NOP2: variants seen among roughly 807,000 people sequenced by gnomAD.
NOP2 encodes the protein 28S rRNA (cytosine(4447)-C(5))-methyltransferase.
Under a neutral mutation model 72.7 loss-of-function variants are expected in NOP2, and 7 were observed. The ratio of observed to expected loss-of-function variants is 0.10; its 90% CI spans 0.05 to 0.18. The LOEUF is 0.18. NOP2 is among the 10% of genes least tolerant of loss of function. The pLI is 1.00. For synonymous variants in NOP2, 387 were observed against 388.0 expected (o/e 1.00, Z 0.03); for missense variants, 954 against 1,014.7 (o/e 0.94, Z 0.81).
rs1335065578 is a variant in NOP2, at chr12:6,568,264, G to C, written c.-62C>G. ...CGGGCGGCCCTCCACGTGCAATCCG[G>C]ACCTAGCTTTCGGCCGGCACTCGCC... On this transcript the variant is annotated 5_prime_UTR_variant, in exon 1 of 16. Coordinates refer to ENST00000322166, the MANE Select transcript of NOP2 (RefSeq NM_001258308.2). 1.4e-5 allele frequency: 3 copies of C among 217,674 alleles called. No individual in the cohort carries two copies. The highest frequency in any genetic ancestry group is 4.6e-5 in the African/African-American group (2 of 43,200). The allele number at this position is 217,674 out of a possible 1,614,324, so 13.5% of individuals were successfully genotyped here. A position where few individuals can be genotyped will look rare whatever the true frequency, so the allele number is the denominator to read the frequency against.
rs1350108111 is a variant in NOP2 at position 6,560,275 on chromosome 12, G to C, written c.1612C>G (p.Arg538Gly). The change falls in exon 15 of 16, where the codon CGA becomes GGA. Residue 538 changes from arginine (R) to glycine (G), a missense_variant. By Grantham distance (125) the Arg-to-Gly change is moderately radical (BLOSUM62 -2). Around this residue, in one of 3 missense-constraint regions of NOP2, gnomAD observed 187 missense variants for 276.2 expected, o/e 0.68. Coordinates refer to ENST00000322166, the MANE Select transcript of NOP2 (RefSeq NM_001258308.2). This position sits in a 1 kb window ranked among gnomAD's most constrained non-coding sequence, Gnocchi z 5.0. ...AAGTCTAGGCCCGTGGGCACCAGTC[G>C]CACATTCCTCTTTTTCAGAGCATAG... ...VDYALKKRNV[R>G]LVPTGLDFGQ... is the part of the protein sequence containing the mutation. 5.0e-6 allele frequency: 8 copies of C among 1,613,954 alleles called. No individual in the cohort carries two copies. Among genetic ancestry groups the C allele is most frequent in the Non-Finnish European group, 6.8e-6 (8 of 1,179,880 alleles).
chr12:6,560,507 G>A lies in NOP2; in HGVS notation c.1500C>T (p.Asp500=). ...LQKELLLSAI[D]SVNATSKTGG... is the part of the protein sequence containing the mutation. ...CTGTCTTGGAGGTCGCATTGACAGA[G>A]TCAATAGCACTCAGGAGCAACTCCT... Residue 500 remains aspartate, a synonymous_variant, in exon 14 of 16, where the codon GAC becomes GAT. Transcript: ENST00000322166. This position sits in a 1 kb window ranked among gnomAD's most constrained non-coding sequence, Gnocchi z 5.0. 1 of 1,606,506 alleles carries A rather than the reference G, an allele frequency of 6.2e-7. No individual in the cohort carries two copies. Among genetic ancestry groups the A allele is most frequent in the Non-Finnish European group, 8.5e-7 (1 of 1,175,482 alleles).
chr12:6,567,180 C>A (rs188463725), intron 2 of NOP2, among the ~76,000 whole-genome samples: 149 of 152,248 alleles, frequency 9.8e-4, no homozygotes, highest in African/African-American at 3.4e-3. Context: ...GAACACTGGA[C>A]CTCAGGTGAT....
chr12:6,564,181 CAGG>C lies in NOP2; in HGVS notation c.475-238_475-236del, dbSNP rs1283748241. 7.1e-6 allele frequency: 9 copies of C among 1,274,686 alleles called. No homozygotes were observed. The East Asian group carries it at 2.2e-4, about 32-fold the overall frequency. The allele number at this position is 1,274,686 out of a possible 1,614,324, so 79.0% of individuals were successfully genotyped here. A position where few individuals can be genotyped will look rare whatever the true frequency, so the allele number is the denominator to read the frequency against. ...ATCCCAGCTACTTGGGAAGCTGAGG[CAGG>C]AGAATTGCTTGAACCCGGGAGGTGG... On this transcript the variant is annotated intron_variant, in intron 5 of 15. Coordinates refer to ENST00000322166, the MANE Select transcript of NOP2 (RefSeq NM_001258308.2).
intron 2 of NOP2, among the ~76,000 whole-genome samples, chr12:6,567,201 C>T (rs766062075): frequency 5.9e-5 from 9 of 152,132 alleles, no homozygotes; most frequent in East Asian, 1.9e-4. Context: ...CCACCTGCCT[C>T]GGCCTCCCAA....
Position 6,560,484 on chromosome 12 carries a change from G to A in NOP2, c.1523C>T (p.Thr508Ile). The A allele has an allele frequency of 1.2e-6, 2 of 1,605,290 alleles. No homozygotes were observed. The highest frequency in any genetic ancestry group is 1.3e-5 in the African/African-American group (1 of 74,472). The change falls in exon 14 of 16, where the codon ACA (threonine) becomes ATA (isoleucine). Residue 508 changes from threonine (T) to isoleucine (I), a missense_variant. Around this residue, in one of 3 missense-constraint regions of NOP2, gnomAD observed 187 missense variants for 276.2 expected, o/e 0.68. Coordinates refer to ENST00000322166, the MANE Select transcript of NOP2 (RefSeq NM_001258308.2). This position sits in a 1 kb window ranked among gnomAD's most constrained non-coding sequence, Gnocchi z 5.0. ...AIDSVNATSK[T>I]GGYLVYCTCS... Reference sequence around the variant, plus strand: ...GGTGCAGTAAACCAGGTAGCCTCCTGTCTTGGAGGTCGCATTGACAGAGTC... The same window carrying A: ...GGTGCAGTAAACCAGGTAGCCTCCTATCTTGGAGGTCGCATTGACAGAGTC...
At chr12:6,562,330 A>G (rs570339900) in intron 9 of NOP2, among the ~76,000 whole-genome samples, 1 of 152,330 alleles carries the variant, frequency 6.6e-6, no homozygotes, top group East Asian at 1.9e-4. Context: ...TACTCTACCC[A>G]GAAGACAGAT....
Position 6,561,936 on chromosome 12 carries a change from C to T in NOP2, c.1014G>A (p.Leu338=), listed in dbSNP as rs1947662402. The part of the protein sequence containing the change: ...LINRGVNLDP[L]GKWSKTGLVV... ...CTAGTCCAGTCTTTGACCACTTGCC[C>T]AGGGGATCCAGGTTAACCCCACGAT... Residue 338 remains leucine (L), a synonymous_variant, in exon 10 of 16, where the codon CTG becomes CTA. Transcript: ENST00000322166. The T allele has an allele frequency of 2.5e-6, 4 of 1,612,312 alleles. No individual in the cohort carries two copies. Among genetic ancestry groups the T allele is most frequent in the African/African-American group, 1.3e-5 (1 of 74,896 alleles).
At chr12:6,565,560 G>A (rs3944056) in intron 5 of NOP2, among the ~76,000 whole-genome samples, 20,513 of 151,848 alleles carry the variant, frequency 0.14, 1,484 homozygotes, top group Non-Finnish European at 0.16. Context: ...GGCTGGTCTC[G>A]AACTCCGGAG....
intron 9 of NOP2, among the ~76,000 whole-genome samples, chr12:6,562,389 C>T (rs1260145607): frequency 3.3e-5 from 5 of 152,174 alleles, no homozygotes; most frequent in African/African-American, 9.7e-5. Flanking sequence ...TACCCCACAA[C>T]TCCTATAGTG....
intron 5 of NOP2, among the ~76,000 whole-genome samples, chr12:6,565,650 T>A (rs551561835): frequency 1.2e-3 from 179 of 152,078 alleles, no homozygotes; most frequent in African/African-American, 4.0e-3. Context: ...AATTTTTTAA[T>A]TTTTTGTAGA....
Position 6,561,076 on chromosome 12 carries a change from G to C in NOP2, c.1208-6C>G. 3 of 1,613,930 alleles carry C rather than the reference G, an allele frequency of 1.9e-6. No homozygotes were observed. Among genetic ancestry groups the C allele is most frequent in the Non-Finnish European group, 1.7e-6 (2 of 1,179,846 alleles). On this transcript the variant is annotated splice_polypyrimidine_tract_variant and splice_region_variant and intron_variant, in intron 11 of 15. Coordinates refer to ENST00000322166, the MANE Select transcript of NOP2 (RefSeq NM_001258308.2). The stretch of plus-strand genomic sequence containing the variant: ...CGTGTTCTTCATCAGCTGGGCTAAA[G>C]AGAGGGCAGTAACAGTGCTGATCAG...
chr12:6,560,330 G>A lies in NOP2; in HGVS notation c.1561-4C>T. 6.2e-7 allele frequency: 1 copy of A among 1,611,950 alleles called. No individual in the cohort carries two copies. The highest frequency in any genetic ancestry group is 1.1e-5 in the South Asian group (1 of 91,050). Reference sequence around the variant, plus strand: ...CCACCCACTCATTCTCTTCTACCTGGATGTGGGGGGAAGACAAAGAACGGA... The same window carrying A: ...CCACCCACTCATTCTCTTCTACCTGAATGTGGGGGGAAGACAAAGAACGGA... On this transcript the variant is annotated splice_region_variant and splice_polypyrimidine_tract_variant and intron_variant, in intron 14 of 15. Coordinates refer to ENST00000322166, the MANE Select transcript of NOP2 (RefSeq NM_001258308.2). The surrounding 1 kb of genome is among the most constrained non-coding windows in gnomAD (Gnocchi z 5.0).
Position 6,557,462 on chromosome 12 carries a change from G to A in NOP2, c.1970C>T (p.Ala657Val). ...FQKLNGISKG[A>V]DSELSTVPSV... ...AGGTACAGTGGACAATTCTGAGTCTGCCCCTTTGGAGATGCCATTCAGCTT... is the reference window on the plus strand; with the variant it reads ...AGGTACAGTGGACAATTCTGAGTCTACCCCTTTGGAGATGCCATTCAGCTT... The change falls in exon 16 of 16, where the codon GCA becomes GTA. Residue 657 changes from alanine (A) to valine (V), a missense_variant. By Grantham distance (64) the Ala-to-Val change is moderately conservative. This residue lies in a region of NOP2 where 269 missense variants were observed against 260.2 expected (regional missense o/e 1.03). Coordinates refer to ENST00000322166, the MANE Select transcript of NOP2 (RefSeq NM_001258308.2). 1 of 1,614,018 alleles carries A rather than the reference G, an allele frequency of 6.2e-7. No individual in the cohort carries two copies.
Position 6,560,230 on chromosome 12 carries a change from G to A in NOP2, c.1657C>T (p.Arg553Cys), listed in dbSNP as rs375053144. Residue 553 changes from arginine (R) to cysteine (C), a missense_variant, in exon 15 of 16, where the codon CGC (arginine) becomes TGC (cysteine). By Grantham distance (180) the Arg-to-Cys change is radical. Transcript: ENST00000322166. This position sits in a 1 kb window ranked among gnomAD's most constrained non-coding sequence, Gnocchi z 5.0. ...GGGTGGAAGCGCCTTTCTCGAAAGC[G>A]GGTAAAACCTTCCTGGCCAAAGTCT... is the stretch of plus-strand genomic sequence containing the variant. ...GLDFGQEGFT[R>C]FRERRFHPSL... 35 of 1,613,884 alleles carry A rather than the reference G, an allele frequency of 2.2e-5. No homozygotes were observed. Among genetic ancestry groups the A allele is most frequent in the African/African-American group, 1.5e-4 (11 of 74,934 alleles).
At chr12:6,557,704 C>T (rs1005249327) in intron 15 of NOP2, 62 bp from the exon 16 acceptor site, 3 of 1,474,346 alleles carry the variant, frequency 2.0e-6, no homozygotes, top group Non-Finnish European at 2.7e-6. Flanking sequence ...TTTTAATATT[C>T]TCATATTAAA....
Position 6,561,681 on chromosome 12 carries a change from C to A in NOP2, c.1190G>T (p.Gly397Val). The A allele has an allele frequency of 6.2e-7, 1 of 1,613,842 alleles. No individual in the cohort carries two copies. Among genetic ancestry groups the A allele is most frequent in the Non-Finnish European group, 8.5e-7 (1 of 1,179,814 alleles). Residue 397 changes from glycine to valine, a missense_variant, in exon 11 of 16, where the codon GGA (glycine) becomes GTA (valine). Around this residue, in one of 3 missense-constraint regions of NOP2, gnomAD observed 187 missense variants for 276.2 expected, o/e 0.68. Transcript: ENST00000322166. Reference protein sequence around the residue: ...RILDMCCAPGGKTSYMAQLMK... With the variant: ...RILDMCCAPGVKTSYMAQLMK... ...TCTCATACCCATGTAGCTGGTCTTT[C>A]CTCCAGGGGCACAACACATGTCCAG...
intron 3 of NOP2, 29 bp downstream of exon 3, chr12:6,566,748 C>T (rs1947788950): frequency 6.2e-7 from 1 of 1,610,504 alleles, no homozygotes; most frequent in Non-Finnish European, 8.5e-7. Context: ...ACCAATTTAA[C>T]CTACTTAAGT....
intron 2 of NOP2, among the ~76,000 whole-genome samples, chr12:6,567,256 T>C (rs567907116): frequency 1.3e-5 from 2 of 152,310 alleles, no homozygotes; most frequent in South Asian, 4.1e-4. Flanking sequence ...CTAAGATGAT[T>C]AAGCGATATA....
Sources: allele counts gnomAD v4.1 joint callset (sites outside exome capture counted in the v4.1 genomes callset), GRCh38; gene constraint gnomAD v4.1.1; regional missense constraint gnomAD v4.1.1; non-coding constraint Gnocchi (gnomAD v3.1); transcripts MANE v1.5; gene names NCBI Gene and HGNC (gene_info 2026-07-23, HGNC 2026-07-21).